DCAF8L2: variants seen among roughly 807,000 people sequenced by gnomAD.
DCAF8L2 encodes DDB1- and CUL4-associated factor 8-like protein 2.
For synonymous variants in DCAF8L2, 200 were observed against 190.9 expected (o/e 1.05, Z -0.39); for missense variants, 430 against 490.7 (o/e 0.88, Z 1.17).
intron 3 of DCAF8L2, among the ~76,000 whole-genome samples, chrX:27,704,175 C>T (rs5926869): frequency 0.42 from 36,629 of 86,860 alleles, 7,124 homozygotes; most frequent in Middle Eastern, 0.48. Context: ...TATATATATA[C>T]ATATACACAC....
At chrX:27,623,778 T>A (rs1310323022) in intron 1 of DCAF8L2, among the ~76,000 whole-genome samples, 2 of 111,795 alleles carry the variant, frequency 1.8e-5, no homozygotes, top group African/African-American at 6.5e-5. Context: ...AATGCAGATT[T>A]AAACACGTGT....
chrX:27,547,134 C>T, the DCAF8L2 span, among the ~76,000 whole-genome samples: 1 of 111,975 alleles, frequency 8.9e-6, no homozygotes, highest in Non-Finnish European at 1.9e-5. Context: ...GGGCAAAAGT[C>T]ACCAGTCTCT....
the DCAF8L2 span, among the ~76,000 whole-genome samples, chrX:27,502,363 T>A: frequency 2.8e-4 from 19 of 68,421 alleles, 1 homozygote; most frequent in East Asian, 3.3e-3. Context: ...TATATATATA[T>A]ATATATATAT....
chrX:27,474,180 G>A, the DCAF8L2 span, among the ~76,000 whole-genome samples: 1,726 of 111,619 alleles, frequency 0.015, 45 homozygotes, highest in African/African-American at 0.054. Context: ...AACCTAGTTA[G>A]TGAAACAAAG....
chrX:27,689,843 A>C (rs1930647987), intron 3 of DCAF8L2, among the ~76,000 whole-genome samples: 1 of 112,131 alleles, frequency 8.9e-6, no homozygotes, highest in African/African-American at 3.2e-5. Flanking sequence ...CCAGAAAAAC[A>C]AACACATAAT....
the DCAF8L2 span, among the ~76,000 whole-genome samples, chrX:27,568,816 C>T: frequency 5.3e-4 from 57 of 107,547 alleles, no homozygotes; most frequent in African/African-American, 1.7e-3. Flanking sequence ...TGCTATCCCT[C>T]CCCGCTCCCC....
At chrX:27,547,845 T>TTCTCTCTCTCTC in the DCAF8L2 span, among the ~76,000 whole-genome samples, 1 of 46,289 alleles carries the variant, frequency 2.2e-5, no homozygotes, top group African/African-American at 7.3e-5. Context: ...CTCTCTCTCT[T>TTCTCTCTCTCTC]TCTCTCTCTC....
rs5926845 is a variant in DCAF8L2, at chrX:27,624,121, C to T, written c.-341-7758C>T. Among the ~76,000 whole-genome samples the T allele has an allele frequency of 4.7e-3, 530 of 111,830 alleles. 1 individual carries two copies. Among genetic ancestry groups the T allele is most frequent in the South Asian group, 8.1e-3 (22 of 2,704 alleles). On this transcript the variant is annotated intron_variant, in intron 1 of 4. Coordinates refer to ENST00000451261, the MANE Select transcript of DCAF8L2 (RefSeq NM_001353450.2). ...GAATTGTCAGAGTTTAGACATAGTTCTTCTGACTCTAAGACCAATTATTAT... is the reference window on the plus strand; with the variant it reads ...GAATTGTCAGAGTTTAGACATAGTTTTTCTGACTCTAAGACCAATTATTAT...
chrX:27,566,842 T>C, the DCAF8L2 span, among the ~76,000 whole-genome samples: 10 of 111,191 alleles, frequency 9.0e-5, no homozygotes, highest in African/African-American at 2.9e-4. Context: ...TTTCTGCTTT[T>C]TTAAGGTAGG....
rs1159155716 is a variant in DCAF8L2 at position 27,749,188 on chromosome X, T to G, written c.*397T>G. Reference sequence around the variant, plus strand: ...TCTGAAAACGGTTACCTTTTTACTTTTTTTCATCTTTAACAATTTTTTCTG... The same window carrying G: ...TCTGAAAACGGTTACCTTTTTACTTGTTTTCATCTTTAACAATTTTTTCTG... On this transcript the variant is annotated 3_prime_UTR_variant, in exon 5 of 5. Coordinates refer to ENST00000451261, the MANE Select transcript of DCAF8L2 (RefSeq NM_001353450.2). 8.9e-6 allele frequency among the ~76,000 whole-genome samples: 1 copy of G among 112,110 alleles called. No individual in the cohort carries two copies. Among genetic ancestry groups the G allele is most frequent in the African/African-American group, 3.2e-5 (1 of 30,829 alleles).
At chrX:27,690,944 C>A (rs913422016) in intron 3 of DCAF8L2, among the ~76,000 whole-genome samples, 3 of 111,704 alleles carry the variant, frequency 2.7e-5, no homozygotes, top group Non-Finnish European at 5.7e-5. Flanking sequence ...AGGCTCATGT[C>A]TATTAATATT....
At chrX:27,688,802 T>C (rs1930603740) in intron 3 of DCAF8L2, among the ~76,000 whole-genome samples, 1 of 111,932 alleles carries the variant, frequency 8.9e-6, no homozygotes, top group Non-Finnish European at 1.9e-5. Context: ...ATTATTAATA[T>C]CTAAGTATAT....
the DCAF8L2 span, among the ~76,000 whole-genome samples, chrX:27,534,557 A>G: frequency 8.9e-6 from 1 of 112,244 alleles, no homozygotes; most frequent in African/African-American, 3.2e-5. Context: ...TCAAAGTTTT[A>G]TCTTCTGCCT....
chrX:27,539,169 C>A, the DCAF8L2 span, among the ~76,000 whole-genome samples: 1 of 111,651 alleles, frequency 9.0e-6, no homozygotes, highest in African/African-American at 3.3e-5. Flanking sequence ...TTTGTACTAC[C>A]CATACCTGTT....
intron 2 of DCAF8L2, among the ~76,000 whole-genome samples, chrX:27,654,063 A>G (rs1362406540): frequency 9.0e-6 from 1 of 110,978 alleles, no homozygotes; most frequent in Non-Finnish European, 1.9e-5. Context: ...CAATCAATTA[A>G]TTGTAGTCAG....
At chrX:27,494,792 CTT>C in the DCAF8L2 span, among the ~76,000 whole-genome samples, 6 of 111,985 alleles carry the variant, frequency 5.4e-5, no homozygotes, top group Non-Finnish European at 7.5e-5. Flanking sequence ...GTTCTGTTCT[CTT>C]TGCATTGAAA....
intron 3 of DCAF8L2, among the ~76,000 whole-genome samples, chrX:27,709,357 T>A (rs1020303122): frequency 3.5e-5 from 4 of 112,859 alleles, no homozygotes; most frequent in Admixed American, 9.4e-5. Flanking sequence ...TATAACATTA[T>A]ATTAACTTAT....
intron 4 of DCAF8L2, among the ~76,000 whole-genome samples, chrX:27,726,224 C>T (rs1016181698): frequency 9.0e-6 from 1 of 111,374 alleles, no homozygotes; most frequent in Non-Finnish European, 1.9e-5. Flanking sequence ...CTCATAACCT[C>T]GTAATCTGAA....
chrX:27,585,421 C>G (rs1342496219), upstream of DCAF8L2, among the ~76,000 whole-genome samples: 2 of 111,980 alleles, frequency 1.8e-5, no homozygotes, highest in Non-Finnish European at 3.8e-5. Flanking sequence ...TCTACTGATT[C>G]TGTATTGGTA....
Sources: gnomAD v4.1 joint callset for allele counts (sites outside exome capture counted in the v4.1 genomes callset) on GRCh38, gnomAD v4.1.1 for gene constraint, MANE v1.5 for transcripts, NCBI Gene and HGNC (gene_info 2026-07-23, HGNC 2026-07-21) for gene names.